PTPRM: variants seen among roughly 807,000 people sequenced by gnomAD.
PTPRM encodes the protein protein tyrosine phosphatase receptor type M.
PTPRM carries 47 observed loss-of-function variants against 186.7 expected under a neutral mutation model. That is an observed-to-expected ratio of 0.25 (90% confidence interval 0.20 to 0.32). PTPRM has a LOEUF of 0.32. Ranked by LOEUF, PTPRM falls within the 10% of genes least tolerant of loss-of-function variation. The probability of loss-of-function intolerance (pLI) is 1.00; values close to 1 mark genes in which losing one functional copy is unlikely to be tolerated. For missense variants in PTPRM, 1,494 were observed against 1,865.0 expected, an observed-to-expected ratio of 0.80 and a Z score of 3.66; for synonymous variants, 668 against 674.9, an observed-to-expected ratio of 0.99 and a Z score of 0.16.
At chr18:8,222,258 G>A (rs1299717897) in intron 14 of PTPRM, among the ~76,000 whole-genome samples, 1 of 152,116 alleles carries the variant, frequency 6.6e-6, no homozygotes, top group Admixed American at 6.5e-5. Context: ...CCTTTCATGG[G>A]TATCCAGATA....
At chr18:7,888,613 A>T (rs2048904854) in intron 3 of PTPRM, among the ~76,000 whole-genome samples, 2 of 152,196 alleles carry the variant, frequency 1.3e-5, no homozygotes, top group South Asian at 4.1e-4. Context: ...TCAACCCAGC[A>T]ATCCCATTAC....
chr18:7,960,476 T>TACAC (rs756838680), intron 7 of PTPRM, among the ~76,000 whole-genome samples: 7 of 114,446 alleles, frequency 6.1e-5, no homozygotes, highest in Admixed American at 2.6e-4. Context: ...TATATATATA[T>TACAC]ATATACACAC....
Position 8,406,354 on chromosome 18 carries a change from A to G in PTPRM, c.*192A>G. 6 of 584,184 alleles carry G rather than the reference A, an allele frequency of 1.0e-5. No individual in the cohort carries two copies. Among genetic ancestry groups the G allele is most frequent in the Non-Finnish European group, 1.8e-5 (6 of 331,548 alleles). The allele number at this position is 584,184 out of a possible 1,614,324, so 36.2% of individuals were successfully genotyped here. A position where few individuals can be genotyped will look rare whatever the true frequency, so the allele number is the denominator to read the frequency against. On this transcript the variant is annotated 3_prime_UTR_variant, in exon 33 of 33. Coordinates refer to ENST00000580170, the MANE Select transcript of PTPRM (RefSeq NM_001105244.2). ...AATCCCAGTAATGCTGCTGCCTGAC[A>G]GAAACACACACACAGCCACAGTTGC...
intron 14 of PTPRM, among the ~76,000 whole-genome samples, chr18:8,176,057 A>G (rs991841814): frequency 6.6e-6 from 1 of 152,212 alleles, no homozygotes; most frequent in African/African-American, 2.4e-5. Flanking sequence ...CAGTATTCAC[A>G]AAGTATTAAA....
chr18:7,994,137 A>G (rs1321524862), intron 7 of PTPRM, among the ~76,000 whole-genome samples: 2 of 152,122 alleles, frequency 1.3e-5, no homozygotes, highest in Non-Finnish European at 2.9e-5. Context: ...TAATTTATGC[A>G]AAAAGAAACC....
chr18:7,681,459 G>T (rs1598361057), intron 1 of PTPRM, among the ~76,000 whole-genome samples: 1 of 151,976 alleles, frequency 6.6e-6, no homozygotes, highest in South Asian at 2.1e-4. Flanking sequence ...TAATGTCGGG[G>T]CTGTTACACG....
intron 3 of PTPRM, among the ~76,000 whole-genome samples, chr18:7,899,318 A>G (rs1306264663): frequency 6.6e-6 from 1 of 152,154 alleles, no homozygotes; most frequent in East Asian, 1.9e-4. Flanking sequence ...AGCAACTCAC[A>G]TTTTTTGCTG....
chr18:7,652,231 G>A (rs200571797), intron 1 of PTPRM, among the ~76,000 whole-genome samples: 56 of 152,226 alleles, frequency 3.7e-4, no homozygotes, highest in Middle Eastern at 6.8e-3. Context: ...TAGAATGGCA[G>A]TCATTAAAAA....
chr18:7,611,026 G>A (rs1277652924), intron 1 of PTPRM, among the ~76,000 whole-genome samples: 11 of 151,958 alleles, frequency 7.2e-5, no homozygotes, highest in Non-Finnish European at 1.3e-4. Flanking sequence ...CCCTGTGTAG[G>A]CCTAGGCTAA....
chr18:7,742,008 A>T lies in PTPRM; in HGVS notation c.74-32141A>T, dbSNP rs890964172. 3 of 152,160 alleles carry T rather than the reference A, an allele frequency of 2.0e-5. No homozygotes were observed. In the East Asian group the frequency reaches 5.8e-4, roughly 29 times the overall value. 9.4% of individuals were successfully genotyped at this position (152,160 alleles called of 1,614,324 possible). A position where few individuals can be genotyped will look rare whatever the true frequency, so the allele number is the denominator to read the frequency against. ...TGTAAAAAATATGACATCTATTAGA[A>T]CCTAATTACTTATGCCATTAACATG... On this transcript the variant is annotated intron_variant, in intron 1 of 32. Coordinates refer to ENST00000580170, the MANE Select transcript of PTPRM (RefSeq NM_001105244.2).
intron 1 of PTPRM, among the ~76,000 whole-genome samples, chr18:7,660,652 A>G (rs927018737): frequency 1.3e-5 from 2 of 152,174 alleles, no homozygotes; most frequent in African/African-American, 4.8e-5. Flanking sequence ...GGGCCTTAGC[A>G]GTGTCCACAC....
chr18:8,391,889 T>G (rs901669835), intron 31 of PTPRM, among the ~76,000 whole-genome samples: 6 of 152,056 alleles, frequency 3.9e-5, no homozygotes, highest in Non-Finnish European at 7.4e-5. Flanking sequence ...CTTGTATAAA[T>G]AAATCAATCT....
At position 8,141,168 on chromosome 18, in the gene PTPRM, G is replaced by C. The variant is rs576678400; in HGVS notation, c.2168-2479G>C. ...GGAAAGCAGGAACTTCCTGGGCAAG[G>C]GGTCTGGAGTCAGTGACACCCACCC... On this transcript the variant is annotated intron_variant, in intron 13 of 32. Coordinates refer to ENST00000580170, the MANE Select transcript of PTPRM (RefSeq NM_001105244.2). Among the ~76,000 whole-genome samples, 86 of 152,262 alleles carry C rather than the reference G, an allele frequency of 5.6e-4. 3 individuals carry two copies. In the South Asian group the frequency reaches 0.017, roughly 31 times the overall value.
chr18:8,147,812 T>C (rs1372076714), intron 14 of PTPRM, among the ~76,000 whole-genome samples: 1 of 152,298 alleles, frequency 6.6e-6, no homozygotes, highest in East Asian at 1.9e-4. Context: ...TATTTCGGGT[T>C]GTGTTCCACC....
At chr18:7,949,542 G>A (rs2052792632) in intron 6 of PTPRM, among the ~76,000 whole-genome samples, 187 bp downstream of exon 6, 1 of 152,160 alleles carries the variant, frequency 6.6e-6, no homozygotes, top group Non-Finnish European at 1.5e-5. Context: ...TTTGAAAAAT[G>A]TGTTTTATCT....
chr18:7,813,868 C>A (rs948708350), intron 2 of PTPRM, among the ~76,000 whole-genome samples: 7 of 151,832 alleles, frequency 4.6e-5, no homozygotes, highest in African/African-American at 1.7e-4. Flanking sequence ...CTGTTTAGAC[C>A]AAATGTTGTT....
chr18:8,101,487 C>T (rs181233890), intron 11 of PTPRM, among the ~76,000 whole-genome samples: 1 of 152,252 alleles, frequency 6.6e-6, no homozygotes, highest in East Asian at 1.9e-4. Flanking sequence ...TTCTTAGCAG[C>T]TTGTGATAGA....
chr18:7,903,589 C>T (rs1567991509), intron 3 of PTPRM, among the ~76,000 whole-genome samples: 1 of 152,210 alleles, frequency 6.6e-6, no homozygotes, highest in Non-Finnish European at 1.5e-5. Flanking sequence ...TTAGCAGGGT[C>T]CCATTGCAGG....
At chr18:8,124,346 C>T (rs1211452482) in intron 13 of PTPRM, among the ~76,000 whole-genome samples, 1 of 152,186 alleles carries the variant, frequency 6.6e-6, no homozygotes, top group African/African-American at 2.4e-5. Context: ...ATTTGCATCA[C>T]CCATCAACTT....
Sources: allele counts gnomAD v4.1 joint callset (sites outside exome capture counted in the v4.1 genomes callset), GRCh38; gene constraint gnomAD v4.1.1; transcripts MANE v1.5; gene names NCBI Gene and HGNC (gene_info 2026-07-23, HGNC 2026-07-21).